Variants in ACSL6 observed in about 807,000 individuals in gnomAD.
The protein encoded by ACSL6 is long-chain-fatty-acid--CoA ligase 6.
In ACSL6, 47 loss-of-function variants were observed where a neutral mutation model predicts 98.2. The ratio of observed to expected loss-of-function variants is 0.48; its 90% CI spans 0.38 to 0.61. The LOEUF (loss-of-function observed/expected upper bound fraction) is 0.61, where lower values mean the gene tolerates loss of function less well. Ranked by LOEUF, ACSL6 falls within the 20% of genes least tolerant of loss-of-function variation. The pLI, the probability that ACSL6 is intolerant of heterozygous loss-of-function variation, is 0.00. For synonymous variants in ACSL6, 362 were observed against 336.9 expected, an observed-to-expected ratio of 1.07 and a Z score of -0.82; for missense variants, 761 against 913.4, an observed-to-expected ratio of 0.83 and a Z score of 2.15.
intron 1 of ACSL6, among the ~76,000 whole-genome samples, chr5:131,999,198 A>G (rs759029804): frequency 1.1e-4 from 17 of 152,146 alleles, no homozygotes; most frequent in Non-Finnish European, 1.6e-4. Context: ...GGTCCAAATC[A>G]TGACTCAGTC....
chr5:131,958,990 G>T (rs947581222), intron 20 of ACSL6, among the ~76,000 whole-genome samples: 2 of 151,916 alleles, frequency 1.3e-5, no homozygotes, highest in African/African-American at 4.8e-5. Context: ...GTCAGAGTAA[G>T]TATGCTTATG....
At chr5:131,996,690 T>A (rs1754810007) in intron 1 of ACSL6, among the ~76,000 whole-genome samples, 1 of 151,586 alleles carries the variant, frequency 6.6e-6, no homozygotes, top group Admixed American at 6.6e-5. Context: ...AATGCTAGAG[T>A]TTTTACAGAG....
At chr5:131,960,924 T>A (rs1005136686) in intron 18 of ACSL6, 6 of 235,242 alleles carry the variant, frequency 2.6e-5, no homozygotes, top group Non-Finnish European at 4.9e-5. Flanking sequence ...AGCAAACAAC[T>A]CTCTGATCCA....
chr5:131,967,526 G>T (rs887815970), intron 16 of ACSL6, among the ~76,000 whole-genome samples: 2 of 152,030 alleles, frequency 1.3e-5, no homozygotes, highest in Non-Finnish European at 2.9e-5. Flanking sequence ...TTAGCCAGGT[G>T]TGGTGGCGGG....
intron 9 of ACSL6, chr5:131,982,970 T>A (rs920033342): frequency 2.0e-5 from 3 of 152,148 alleles, no homozygotes; most frequent in African/African-American, 7.2e-5. Context: ...TGATGCATAG[T>A]GGGTACTCAC....
chr5:132,006,981 T>C (rs1347696734), intron 1 of ACSL6: 1 of 152,218 alleles, frequency 6.6e-6, no homozygotes, highest in Non-Finnish European at 1.5e-5. Context: ...CTGATTGACT[T>C]GTGGTAAGGA....
chr5:132,010,792 G>A (rs778661839), intron 1 of ACSL6, among the ~76,000 whole-genome samples: 170 of 152,330 alleles, frequency 1.1e-3, no homozygotes, highest in Non-Finnish European at 2.0e-3. Flanking sequence ...GCAGATAAAA[G>A]GGCCTGTGGT....
intron 16 of ACSL6, among the ~76,000 whole-genome samples, chr5:131,967,280 G>C (rs867755430): frequency 6.6e-6 from 1 of 152,140 alleles, no homozygotes; most frequent in Non-Finnish European, 1.5e-5. Flanking sequence ...CCAGGAGTTC[G>C]AGGCTATGGT....
chr5:131,967,728 A>T (rs1228187868), intron 16 of ACSL6, among the ~76,000 whole-genome samples: 1 of 151,676 alleles, frequency 6.6e-6, no homozygotes, highest in Admixed American at 6.6e-5. Context: ...GGGAATTCCA[A>T]ATCTTTATTT....
At chr5:131,982,013 CACT>C (rs1753922230) in intron 9 of ACSL6, 1 of 152,092 alleles carries the variant, frequency 6.6e-6, no homozygotes, top group African/African-American at 2.4e-5. Context: ...TGCGCCACCA[CACT>C]CAGCTAATTG....
intron 2 of ACSL6, among the ~76,000 whole-genome samples, chr5:131,992,941 G>C (rs879346903): frequency 6.6e-5 from 10 of 152,114 alleles, no homozygotes; most frequent in Non-Finnish European, 1.0e-4. Context: ...TTACAACTGA[G>C]AGCCCTGAGG....
At position 131,972,798 on chromosome 5, in the gene ACSL6, T is replaced by C. The variant is rs1213566633; in HGVS notation, c.1264A>G (p.Lys422Glu). The change falls in exon 13 of 21, where the codon AAG (lysine) becomes GAG (glutamate). Residue 422 changes from lysine to glutamate, a missense_variant. Coordinates refer to ENST00000651883, the MANE Select transcript of ACSL6 (RefSeq NM_001009185.3). ...RWLLEFAAKR[K>E]QAEVRSGIIR... ...ATTCCACTCCGGACCTCGGCTTGCTTACGCTTTGCTGCAAACTCCAGGAGC... is the reference window on the plus strand; with the variant it reads ...ATTCCACTCCGGACCTCGGCTTGCTCACGCTTTGCTGCAAACTCCAGGAGC... 1.2e-6 allele frequency: 2 copies of C among 1,614,138 alleles called. No individual in the cohort carries two copies. The highest frequency in any genetic ancestry group is 1.7e-6 in the Non-Finnish European group (2 of 1,180,054).
intron 1 of ACSL6, among the ~76,000 whole-genome samples, chr5:132,001,558 C>T (rs1389341233): frequency 1.3e-5 from 2 of 152,198 alleles, no homozygotes; most frequent in African/African-American, 2.4e-5. Flanking sequence ...GCCCAGGATA[C>T]GATACGGGGT....
At chr5:131,991,480 G>A (rs1005763056) in intron 2 of ACSL6, among the ~76,000 whole-genome samples, 3 of 152,212 alleles carry the variant, frequency 2.0e-5, no homozygotes, top group South Asian at 4.1e-4. Flanking sequence ...TTAGAGGACT[G>A]TGCTGAAGGT....
chr5:131,991,043 G>T, intron 2 of ACSL6, 76 bp from the exon 3 acceptor site: 1 of 1,276,926 alleles, frequency 7.8e-7, no homozygotes, highest in Non-Finnish European at 1.1e-6. Flanking sequence ...GCATGCACAA[G>T]GCTGTACCCA....
In ACSL6 at chr5:131,976,683, C is replaced by A. The variant is rs1236451847; in HGVS notation, c.955G>T (p.Val319Leu). ...TTCAGAAAGCCTGAGAAATCAGCCA[C>A]CACGTTCCCATGGGTGAGCATCGCA... ...KGAMLTHGNV[V>L]ADFSGFLKVT... Residue 319 changes from valine (V) to leucine (L), a missense_variant, in exon 10 of 21, where the codon GTG (valine) becomes TTG (leucine). Coordinates refer to ENST00000651883, the MANE Select transcript of ACSL6 (RefSeq NM_001009185.3). 1 of 1,614,204 alleles carries A rather than the reference C, an allele frequency of 6.2e-7. No homozygotes were observed. The highest frequency in any genetic ancestry group is 1.1e-5 in the South Asian group (1 of 91,090).
At chr5:132,004,347 A>G (rs1489070027) in intron 1 of ACSL6, among the ~76,000 whole-genome samples, 1 of 151,524 alleles carries the variant, frequency 6.6e-6, no homozygotes, top group Non-Finnish European at 1.5e-5. Context: ...TGCCACTCAG[A>G]CTCCCACTAC....
At chr5:131,966,297 G>A in intron 17 of ACSL6, 119 bp downstream of exon 17, 1 of 926,780 alleles carries the variant, frequency 1.1e-6, no homozygotes. Context: ...GGCCCCAGAG[G>A]TGCTCCTGAA....
intron 1 of ACSL6, among the ~76,000 whole-genome samples, chr5:131,998,513 C>G (rs1754904391): frequency 6.6e-6 from 1 of 152,174 alleles, no homozygotes; most frequent in South Asian, 2.1e-4. Flanking sequence ...TATGTTGGCT[C>G]CAATGTGGTG....
Sources: allele counts gnomAD v4.1 joint callset (sites outside exome capture counted in the v4.1 genomes callset), GRCh38; gene constraint gnomAD v4.1.1; transcripts MANE v1.5; gene names NCBI Gene and HGNC (gene_info 2026-07-23, HGNC 2026-07-21).